Variants in IRGM observed in about 807,000 individuals in gnomAD.
The protein encoded by IRGM is immunity related GTPase M, also known as immunity-related GTPase family M protein.
For missense variants in IRGM, 288 were observed against 219.9 expected, an observed-to-expected ratio of 1.31 and a Z score of -1.96; for synonymous variants, 98 against 80.6, an observed-to-expected ratio of 1.22 and a Z score of -1.16.
intron 3 of IRGM, among the ~76,000 whole-genome samples, chr5:150,891,595 T>C (rs1754611298): frequency 6.6e-6 from 1 of 152,132 alleles, no homozygotes; most frequent in Admixed American, 6.6e-5. Context: ...ACTACACATT[T>C]TTAGCTTTTC....
At chr5:150,899,786 G>C (rs568440891) in intron 3 of IRGM, among the ~76,000 whole-genome samples, 1 of 152,156 alleles carries the variant, frequency 6.6e-6, no homozygotes, top group South Asian at 2.1e-4. Context: ...TTAACTAATA[G>C]CAGAAACTAA....
At chr5:150,870,832 T>G (rs532498679) in intron 1 of IRGM, among the ~76,000 whole-genome samples, 82 of 152,238 alleles carry the variant, frequency 5.4e-4, no homozygotes, top group Admixed American at 4.7e-3. Flanking sequence ...TAACTGTTTT[T>G]TTGTTGTTGT....
chr5:150,877,874 A>T (rs1370885839), intron 1 of IRGM: 1 of 394,798 alleles, frequency 2.5e-6, no homozygotes, highest in Non-Finnish European at 5.0e-6. Flanking sequence ...GCATTTTTGC[A>T]TAACTTAAAG....
intron 3 of IRGM, among the ~76,000 whole-genome samples, chr5:150,886,729 A>G (rs925378873): frequency 9.2e-5 from 14 of 151,844 alleles, no homozygotes; most frequent in African/African-American, 2.4e-4. Context: ...TCTTATTCCT[A>G]TGGGGTTAGG....
intron 3 of IRGM, among the ~76,000 whole-genome samples, chr5:150,898,890 C>T (rs1291539532): frequency 6.6e-6 from 1 of 151,768 alleles, no homozygotes; most frequent in Non-Finnish European, 1.5e-5. Flanking sequence ...GTTGTATCTC[C>T]TGAATATTTA....
At chr5:150,850,089 C>G (rs1212367322), downstream of IRGM, among the ~76,000 whole-genome samples, 1 of 152,106 alleles carries the variant, frequency 6.6e-6, no homozygotes, top group East Asian at 1.9e-4. Flanking sequence ...CACCCAGTAG[C>G]CAGGCTGGTT....
intron 3 of IRGM, among the ~76,000 whole-genome samples, chr5:150,886,777 T>C (rs1436132729): frequency 6.6e-6 from 1 of 152,044 alleles, no homozygotes; most frequent in Non-Finnish European, 1.5e-5. Context: ...TGTGTTTATT[T>C]TGATGTTTCC....
intron 1 of IRGM, among the ~76,000 whole-genome samples, chr5:150,863,790 A>G (rs1428193623): frequency 1.3e-5 from 2 of 152,208 alleles, no homozygotes; most frequent in Non-Finnish European, 2.9e-5. Context: ...GTATAGTGCT[A>G]TATAGCCTAA....
intron 1 of IRGM, among the ~76,000 whole-genome samples, chr5:150,868,598 T>G (rs990917908): frequency 5.9e-5 from 9 of 152,234 alleles, no homozygotes; most frequent in African/African-American, 2.2e-4. Context: ...TTCCAGCCAT[T>G]CATGAGTATG....
rs117641240 is a variant in IRGM at position 150,862,438 on chromosome 5, C to T, written c.158+13784C>T. On this transcript the variant is annotated intron_variant and NMD_transcript_variant, in intron 1 of 3. Coordinates refer to the IRGM transcript ENST00000520549. ...TGGGAACTGTTTTAGAGTCTGTCTG[C>T]CACACCAGCCTCCTCATTGAGAGAC... 2.2e-3 allele frequency among the ~76,000 whole-genome samples: 338 copies of T among 152,284 alleles called. 3 individuals carry two copies. The highest frequency in any genetic ancestry group is 0.022 in the East Asian group (113 of 5,184).
At chr5:150,898,346 C>T (rs1561757149) in intron 3 of IRGM, 25 of 1,609,346 alleles carry the variant, frequency 1.6e-5, no homozygotes, top group Non-Finnish European at 2.0e-5. Flanking sequence ...TGACATATGT[C>T]AGGAACAATC....
At chr5:150,896,328 T>C (rs1490895889) in intron 3 of IRGM, 3 of 1,613,682 alleles carry the variant, frequency 1.9e-6, no homozygotes, top group South Asian at 1.1e-5. Flanking sequence ...ACTGAAGGCT[T>C]TTCCGCATGC....
At chr5:150,856,958 T>G (rs1180265089) in intron 1 of IRGM, among the ~76,000 whole-genome samples, 1 of 150,770 alleles carries the variant, frequency 6.6e-6, no homozygotes, top group East Asian at 1.9e-4. Flanking sequence ...TACTTTAAGG[T>G]TTAGCGTACA....
intron 3 of IRGM, among the ~76,000 whole-genome samples, chr5:150,888,037 G>T (rs984305992): frequency 1.3e-5 from 2 of 151,938 alleles, no homozygotes; most frequent in African/African-American, 2.4e-5. Context: ...CAATGGTATG[G>T]TGTCTTCAAG....
chr5:150,873,379 C>T (rs1163048224), intron 1 of IRGM, among the ~76,000 whole-genome samples: 1 of 152,166 alleles, frequency 6.6e-6, no homozygotes, highest in Non-Finnish European at 1.5e-5. Context: ...GCCAGGTCCC[C>T]TTGAGGAATG....
intron 1 of IRGM, among the ~76,000 whole-genome samples, chr5:150,862,013 C>T (rs2113265679): frequency 6.6e-6 from 1 of 152,322 alleles, no homozygotes; most frequent in African/African-American, 2.4e-5. Flanking sequence ...TCTTTTGATT[C>T]AATGTCTCTC....
downstream of IRGM, among the ~76,000 whole-genome samples, chr5:150,851,800 G>C (rs1753980132): frequency 6.6e-6 from 1 of 152,160 alleles, no homozygotes; most frequent in African/African-American, 2.4e-5. Flanking sequence ...GTTTTTAGTA[G>C]GCTTTTTGCA....
At chr5:150,860,723 GCCTTGGGA>G (rs1237744732) in intron 1 of IRGM, among the ~76,000 whole-genome samples, 2 of 152,148 alleles carry the variant, frequency 1.3e-5, no homozygotes, top group Non-Finnish European at 2.9e-5. Flanking sequence ...TTCTGCTGCT[GCCTTGGGA>G]CCTCCCAACT....
intron 3 of IRGM, chr5:150,879,685 T>G (rs1754416951): frequency 6.6e-6 from 1 of 152,198 alleles, no homozygotes; most frequent in Non-Finnish European, 1.5e-5. Flanking sequence ...AAATACACAA[T>G]GAACACTAAG....
Sources: gnomAD v4.1 joint callset for allele counts (sites outside exome capture counted in the v4.1 genomes callset) on GRCh38, gnomAD v4.1.1 for gene constraint, MANE v1.5 for transcripts, NCBI Gene and HGNC (gene_info 2026-07-23, HGNC 2026-07-21) for gene names.